Variants in KHDRBS2 observed in about 807,000 individuals in gnomAD.
KHDRBS2 encodes KH domain-containing, RNA-binding, signal transduction-associated protein 2.
In KHDRBS2, 26 loss-of-function variants were observed where a neutral mutation model predicts 44.3. The observed-to-expected ratio is 0.59, with a 90% CI of 0.43 to 0.81. The LOEUF is 0.81. Ranked by LOEUF, KHDRBS2 falls within the 40% of genes least tolerant of loss-of-function variation. KHDRBS2 has a pLI of 0.00. For synonymous variants in KHDRBS2, 194 were observed against 151.1 expected (o/e 1.28, Z -2.08); for missense variants, 476 against 433.1 (o/e 1.10, Z -0.88).
At chr6:61,881,305 G>T (rs1378248769) in intron 6 of KHDRBS2, among the ~76,000 whole-genome samples, 1 of 151,686 alleles carries the variant, frequency 6.6e-6, no homozygotes, top group Non-Finnish European at 1.5e-5. Context: ...TGCCAGTGGT[G>T]TGACTTTAGT....
chr6:61,955,044 GTATA>G (rs1463982956), intron 4 of KHDRBS2, among the ~76,000 whole-genome samples: 1 of 143,044 alleles, frequency 7.0e-6, no homozygotes, highest in East Asian at 2.2e-4. Flanking sequence ...ATACATGTAT[GTATA>G]CATATATGTA....
At chr6:62,222,324 TG>T (rs1831041506) in intron 1 of KHDRBS2, among the ~76,000 whole-genome samples, 1 of 151,272 alleles carries the variant, frequency 6.6e-6, no homozygotes, top group Non-Finnish European at 1.5e-5. Flanking sequence ...TACCCAAGAC[TG>T]GGGAGAAAAA....
chr6:61,736,586 T>C (rs1375475994), intron 6 of KHDRBS2, among the ~76,000 whole-genome samples: 1 of 152,026 alleles, frequency 6.6e-6, no homozygotes, highest in African/African-American at 2.4e-5. Flanking sequence ...GGCAAGGCAG[T>C]TTTAATTTGT....
the KHDRBS2 span, among the ~76,000 whole-genome samples, chr6:61,646,186 C>T: frequency 6.6e-6 from 1 of 152,176 alleles, no homozygotes; most frequent in South Asian, 2.1e-4. Flanking sequence ...AGCTACAAAA[C>T]ATTAATACTT....
At chr6:61,544,659 C>T in the KHDRBS2 span, among the ~76,000 whole-genome samples, 10 of 151,956 alleles carry the variant, frequency 6.6e-5, no homozygotes, top group Non-Finnish European at 1.2e-4. Flanking sequence ...ATAAGAGGCT[C>T]AGTAAGGAGT....
intron 1 of KHDRBS2, among the ~76,000 whole-genome samples, chr6:62,203,238 G>T (rs1827334949): frequency 6.6e-6 from 1 of 152,088 alleles, no homozygotes; most frequent in African/African-American, 2.4e-5. Context: ...ATATTTTAAA[G>T]AAGTTAACAT....
chr6:62,072,618 G>A (rs1024112251), intron 2 of KHDRBS2, among the ~76,000 whole-genome samples: 8 of 152,106 alleles, frequency 5.3e-5, no homozygotes, highest in Non-Finnish European at 1.0e-4. Context: ...TTTGTCTTTG[G>A]TTCTGTTTAT....
chr6:62,136,508 T>C (rs1449698733), intron 2 of KHDRBS2, among the ~76,000 whole-genome samples: 2 of 152,236 alleles, frequency 1.3e-5, no homozygotes, highest in East Asian at 3.8e-4. Flanking sequence ...TATTTTATTC[T>C]AGATTATCTT....
intron 4 of KHDRBS2, among the ~76,000 whole-genome samples, chr6:61,976,564 A>G (rs1270100728): frequency 6.6e-6 from 1 of 152,108 alleles, no homozygotes; most frequent in Non-Finnish European, 1.5e-5. Context: ...ATATATTTAA[A>G]CCATCCATTA....
intron 6 of KHDRBS2, among the ~76,000 whole-genome samples, chr6:61,847,330 C>T (rs1486672944): frequency 2.0e-5 from 3 of 152,258 alleles, no homozygotes; most frequent in African/African-American, 4.8e-5. Flanking sequence ...CTTTTGAAGA[C>T]TAAGTAGGCC....
intron 6 of KHDRBS2, among the ~76,000 whole-genome samples, chr6:61,816,369 A>C (rs1460926133): frequency 6.6e-6 from 1 of 152,110 alleles, no homozygotes; most frequent in African/African-American, 2.4e-5. Flanking sequence ...AATATGAAGA[A>C]GGAAGATGCC....
At chr6:61,990,102 T>C (rs1775846036) in intron 3 of KHDRBS2, among the ~76,000 whole-genome samples, 1 of 152,166 alleles carries the variant, frequency 6.6e-6, no homozygotes, top group Non-Finnish European at 1.5e-5. Flanking sequence ...TCCTCATGCC[T>C]CTACGTGGAC....
At chr6:62,051,370 T>G (rs1353828571) in intron 2 of KHDRBS2, among the ~76,000 whole-genome samples, 1 of 152,200 alleles carries the variant, frequency 6.6e-6, no homozygotes, top group South Asian at 2.1e-4. Flanking sequence ...TTTTGGGTTA[T>G]TTTTTGCATA....
chr6:61,821,831 G>C (rs1654804206), intron 6 of KHDRBS2, among the ~76,000 whole-genome samples: 1 of 151,794 alleles, frequency 6.6e-6, no homozygotes, highest in South Asian at 2.1e-4. Flanking sequence ...ATTTCTGTTA[G>C]AGTAAGAATT....
At chr6:61,733,141 T>C (rs992144079) in intron 6 of KHDRBS2, among the ~76,000 whole-genome samples, 1 of 152,220 alleles carries the variant, frequency 6.6e-6, no homozygotes, top group African/African-American at 2.4e-5. Context: ...GGGAATTTTT[T>C]CTTCTCCTTT....
chr6:62,257,524 G>A (rs951359475), intron 1 of KHDRBS2, among the ~76,000 whole-genome samples: 4 of 151,904 alleles, frequency 2.6e-5, no homozygotes, highest in Non-Finnish European at 5.9e-5. Flanking sequence ...ACTTTCCCTC[G>A]AATAACTCAT....
the KHDRBS2 span, among the ~76,000 whole-genome samples, chr6:61,665,769 T>C: frequency 3.3e-5 from 5 of 151,148 alleles, no homozygotes; most frequent in Non-Finnish European, 7.4e-5. Flanking sequence ...TTTTTAATTA[T>C]AAAGATTATT....
the KHDRBS2 span, among the ~76,000 whole-genome samples, chr6:61,599,843 A>AAATGGC: frequency 6.6e-6 from 1 of 152,196 alleles, no homozygotes; most frequent in Non-Finnish European, 1.5e-5. Flanking sequence ...CAGGTCCCCC[A>AAATGGC]AATGGCAGAG....
the KHDRBS2 span, among the ~76,000 whole-genome samples, chr6:61,553,256 T>C: frequency 1.3e-5 from 2 of 152,150 alleles, no homozygotes; most frequent in African/African-American, 4.8e-5. Flanking sequence ...CAGGAATCTA[T>C]CCATTTATCC....
Sources: gnomAD v4.1 joint callset for allele counts (sites outside exome capture counted in the v4.1 genomes callset) on GRCh38, gnomAD v4.1.1 for gene constraint, MANE v1.5 for transcripts, NCBI Gene and HGNC (gene_info 2026-07-23, HGNC 2026-07-21) for gene names.